Variants in STK3 observed in about 807,000 individuals in gnomAD.
STK3 encodes serine/threonine-protein kinase 3.
STK3 carries 41 observed loss-of-function variants against 58.0 expected under a neutral mutation model. The observed-to-expected ratio is 0.71, with a 90% CI of 0.55 to 0.92. The LOEUF is 0.92. STK3 is among the 40% of genes least tolerant of loss of function. The probability of loss-of-function intolerance (pLI) is 0.00; values close to 1 mark genes in which losing one functional copy is unlikely to be tolerated. For synonymous variants in STK3, 170 were observed against 191.0 expected (o/e 0.89, Z 0.91); for missense variants, 479 against 602.7 (o/e 0.79, Z 2.15).
At chr8:98,852,368 A>G (rs1385858292) in intron 3 of STK3, among the ~76,000 whole-genome samples, 1 of 152,136 alleles carries the variant, frequency 6.6e-6, no homozygotes, top group African/African-American at 2.4e-5. Context: ...TCCTGACCTC[A>G]GGTGATCCAC....
chr8:98,693,260 T>C (rs1824547551), intron 6 of STK3, among the ~76,000 whole-genome samples: 1 of 152,086 alleles, frequency 6.6e-6, no homozygotes, highest in Admixed American at 6.6e-5. Context: ...TAGCCAGCCA[T>C]GGTAGCTTGT....
At chr8:98,892,065 G>A (rs571601367) in intron 1 of STK3, among the ~76,000 whole-genome samples, 7 of 151,982 alleles carry the variant, frequency 4.6e-5, no homozygotes, top group East Asian at 1.9e-4. Flanking sequence ...TGACAAGCAC[G>A]TACTCCACCC....
At chr8:98,536,843 A>C (rs1307151147) in intron 9 of STK3, among the ~76,000 whole-genome samples, 1 of 152,214 alleles carries the variant, frequency 6.6e-6, no homozygotes, top group Non-Finnish European at 1.5e-5. Flanking sequence ...AAGGAGCAGC[A>C]ATCTGCAGTT....
chr8:98,470,769 A>C (rs1020627921), intron 10 of STK3, among the ~76,000 whole-genome samples: 107 of 152,326 alleles, frequency 7.0e-4, no homozygotes, highest in African/African-American at 2.4e-3. Flanking sequence ...ACCCTTGGTA[A>C]ATCTCTGCTC....
chr8:98,601,535 G>A (rs567216208), intron 6 of STK3: 10 of 152,214 alleles, frequency 6.6e-5, no homozygotes, highest in African/African-American at 2.4e-4. Flanking sequence ...ATCCATACCT[G>A]CAATATATTA....
intron 7 of STK3, among the ~76,000 whole-genome samples, chr8:98,588,565 CA>C (rs1221148208): frequency 3.2e-4 from 49 of 152,174 alleles, no homozygotes; most frequent in Non-Finnish European, 7.4e-5. Context: ...GTGAATCTGA[CA>C]ATTATGTGTC....
chr8:98,829,211 T>C (rs758466572), upstream of STK3, among the ~76,000 whole-genome samples: 2 of 152,194 alleles, frequency 1.3e-5, no homozygotes, highest in African/African-American at 2.4e-5. Flanking sequence ...CAAGGCAAAC[T>C]ACTCTACCTA....
At chr8:98,714,580 A>G (rs1353723684) in intron 4 of STK3, among the ~76,000 whole-genome samples, 5 of 152,180 alleles carry the variant, frequency 3.3e-5, no homozygotes, top group Admixed American at 6.5e-5. Context: ...TACAAGGGAC[A>G]TGAAGGACCT....
chr8:98,670,460 T>C, intron 6 of STK3, among the ~76,000 whole-genome samples: 1 of 152,160 alleles, frequency 6.6e-6, no homozygotes, highest in East Asian at 1.9e-4. Context: ...TTAGATTTAA[T>C]ATAACATCTT....
chr8:98,595,754 A>G, intron 7 of STK3: 1 of 264,784 alleles, frequency 3.8e-6, no homozygotes, highest in Non-Finnish European at 7.2e-6. Flanking sequence ...ATAAATGCTG[A>G]GTCAAGGAAC....
intron 3 of STK3, among the ~76,000 whole-genome samples, chr8:98,857,965 G>GT (rs1429739693): frequency 6.6e-6 from 1 of 152,086 alleles, no homozygotes; most frequent in Non-Finnish European, 1.5e-5. Context: ...ATTTAACTGG[G>GT]TGTTGAAAAA....
intron 3 of STK3, among the ~76,000 whole-genome samples, chr8:98,877,934 T>A (rs1837617232): frequency 6.6e-6 from 1 of 152,166 alleles, no homozygotes; most frequent in Non-Finnish European, 1.5e-5. Context: ...AAATAGTCAC[T>A]GGTCTAATTT....
chr8:98,357,252 G>A, the STK3 span, among the ~76,000 whole-genome samples: 2 of 152,106 alleles, frequency 1.3e-5, no homozygotes, highest in Admixed American at 1.3e-4. Flanking sequence ...GACTCCTAAG[G>A]AGCCTAGTCT....
At chr8:98,909,939 C>G (rs1391153854) in intron 1 of STK3, among the ~76,000 whole-genome samples, 1 of 152,080 alleles carries the variant, frequency 6.6e-6, no homozygotes, top group African/African-American at 2.4e-5. Flanking sequence ...TTCAAAGCAG[C>G]TGTACCATTT....
rs112651865 is a variant in STK3 at position 98,474,873 on chromosome 8, G to C, written c.1318-18873C>G. Among the ~76,000 whole-genome samples, 146 of 152,218 alleles carry C rather than the reference G, an allele frequency of 9.6e-4. 1 individual carries two copies. The highest frequency in any genetic ancestry group is 3.4e-3 in the African/African-American group (143 of 41,532). On this transcript the variant is annotated intron_variant, in intron 10 of 10. Transcript: ENST00000419617. ...ATTAGAACTGTACAATATGAGATAC[G>C]TGAATATAGGACTGGGCCTTCTTTA...
At chr8:98,654,937 C>T (rs1821347424) in intron 6 of STK3, among the ~76,000 whole-genome samples, 1 of 152,080 alleles carries the variant, frequency 6.6e-6, no homozygotes, top group Admixed American at 6.6e-5. Context: ...TCAATGCCAT[C>T]CCCATCAAGC....
chr8:98,691,041 G>C (rs538964966), intron 6 of STK3, among the ~76,000 whole-genome samples: 1 of 152,248 alleles, frequency 6.6e-6, no homozygotes, highest in Non-Finnish European at 1.5e-5. Flanking sequence ...GGAAACAACA[G>C]ACGCTAGGAA....
At chr8:98,563,627 A>G (rs1339237071) in intron 8 of STK3, among the ~76,000 whole-genome samples, 1 of 152,154 alleles carries the variant, frequency 6.6e-6, no homozygotes, top group East Asian at 1.9e-4. Flanking sequence ...CAGGAAATAT[A>G]CAAGATGAGC....
intron 7 of STK3, among the ~76,000 whole-genome samples, chr8:98,593,613 T>G (rs1299812634): frequency 9.2e-5 from 14 of 152,188 alleles, no homozygotes; most frequent in Non-Finnish European, 4.4e-5. Flanking sequence ...TATTGTGACC[T>G]GCACATGTGA....
Sources: gnomAD v4.1 joint callset for allele counts (sites outside exome capture counted in the v4.1 genomes callset) on GRCh38, gnomAD v4.1.1 for gene constraint, MANE v1.5 for transcripts, NCBI Gene and HGNC (gene_info 2026-07-23, HGNC 2026-07-21) for gene names.